The following SHANK2 variants were observed in gnomAD, a reference collection of about 807,000 sequenced individuals.
SHANK2 encodes the protein SH3 and multiple ankyrin repeat domains 2.
SHANK2 carries 43 observed loss-of-function variants against 133.7 expected under a neutral mutation model. The ratio of observed to expected loss-of-function variants is 0.32; its 90% confidence interval spans 0.25 to 0.41. The LOEUF (loss-of-function observed/expected upper bound fraction) is 0.41, where lower values mean the gene tolerates loss of function less well. Ranked by LOEUF, SHANK2 falls within the 10% of genes least tolerant of loss-of-function variation. The probability of loss-of-function intolerance (pLI) is 1.00; values close to 1 mark genes in which losing one functional copy is unlikely to be tolerated. For missense variants in SHANK2, 1,994 were observed against 2,235.8 expected (o/e 0.89, Z 2.18); for synonymous variants, 1,017 against 952.8 (o/e 1.07, Z -1.24).
At chr11:70,536,592 C>G (rs2059547378) in intron 17 of SHANK2, among the ~76,000 whole-genome samples, 1 of 152,214 alleles carries the variant, frequency 6.6e-6, no homozygotes, top group Admixed American at 6.5e-5. Context: ...GATTCCCACA[C>G]TCAGTGTCTC....
intron 17 of SHANK2, among the ~76,000 whole-genome samples, chr11:70,541,432 C>T (rs1198183694): frequency 6.6e-6 from 1 of 152,234 alleles, no homozygotes; most frequent in Non-Finnish European, 1.5e-5. Context: ...TCCTGGCGTG[C>T]CCTCCTGGCC....
chr11:70,923,757 T>C (rs1184027108), intron 10 of SHANK2, among the ~76,000 whole-genome samples: 1 of 152,096 alleles, frequency 6.6e-6, no homozygotes, highest in Non-Finnish European at 1.5e-5. Context: ...CTCACTATGT[T>C]GCCCTGGCTG....
rs904439902 is a variant in SHANK2 at position 70,892,117 on chromosome 11, C to A, written c.1174+4384G>T. Among the ~76,000 whole-genome samples the A allele has an allele frequency of 3.3e-5, 5 of 152,312 alleles. No individual in the cohort carries two copies. The South Asian group carries it at 6.2e-4, about 19-fold the overall frequency. On this transcript the variant is annotated intron_variant, in intron 11 of 25. Transcript: ENST00000601538. The stretch of plus-strand genomic sequence containing the variant: ...TTCCCTCGGGGGCTGCCAGGCAGCA[C>A]CGTCACACCGTCATGAGGCTGGCAC...
intron 9 of SHANK2, among the ~76,000 whole-genome samples, chr11:71,058,581 G>C (rs936062688): frequency 6.6e-6 from 1 of 152,200 alleles, no homozygotes; most frequent in Non-Finnish European, 1.5e-5. Context: ...CTTGTGCCTC[G>C]GCAGCAGGGG....
intron 14 of SHANK2, among the ~76,000 whole-genome samples, chr11:70,710,069 G>A (rs960720136): frequency 1.3e-5 from 2 of 152,068 alleles, no homozygotes; most frequent in East Asian, 3.9e-4. Context: ...TTTTCTAGGC[G>A]CTCTCCCAGA....
chr11:70,829,746 C>T (rs1282229892), intron 11 of SHANK2, among the ~76,000 whole-genome samples: 2 of 152,212 alleles, frequency 1.3e-5, no homozygotes, highest in African/African-American at 2.4e-5. Flanking sequence ...CGCCCACACT[C>T]GGAGGAGGCT....
chr11:70,838,018 A>T (rs1948849233), intron 11 of SHANK2, among the ~76,000 whole-genome samples: 1 of 149,696 alleles, frequency 6.7e-6, no homozygotes, highest in Non-Finnish European at 1.5e-5. Flanking sequence ...AAAAAGATGC[A>T]TGCTGAGTAA....
chr11:70,834,249 T>C, intron 11 of SHANK2, among the ~76,000 whole-genome samples: 1 of 150,280 alleles, frequency 6.7e-6, no homozygotes, highest in Admixed American at 6.6e-5. Context: ...CTAACTCTGG[T>C]CCCACCCCAT....
intron 11 of SHANK2, among the ~76,000 whole-genome samples, chr11:70,849,353 C>A (rs7945137): frequency 0.036 from 5,471 of 152,240 alleles, 278 homozygotes; most frequent in African/African-American, 0.12. Context: ...AAAAAGACAC[C>A]AATCCACAAT....
At chr11:70,795,395 T>C (rs1555048915) in intron 14 of SHANK2, among the ~76,000 whole-genome samples, 1 of 135,708 alleles carries the variant, frequency 7.4e-6, no homozygotes, top group African/African-American at 2.6e-5. Flanking sequence ...CTTTTTTCTT[T>C]TCTTTCTTTT....
At chr11:71,128,111 C>T (rs570583056) in intron 3 of SHANK2, among the ~76,000 whole-genome samples, 4 of 152,352 alleles carry the variant, frequency 2.6e-5, no homozygotes, top group Non-Finnish European at 4.4e-5. Flanking sequence ...GGCCCTCAGG[C>T]CAGCTGACTG....
intron 11 of SHANK2, among the ~76,000 whole-genome samples, chr11:70,838,114 A>G (rs1272837921): frequency 2.0e-5 from 3 of 152,086 alleles, no homozygotes; most frequent in African/African-American, 7.2e-5. Context: ...CACCGTGTGA[A>G]ATGTCTTCCC....
chr11:70,557,503 T>G (rs2136111752), intron 17 of SHANK2, among the ~76,000 whole-genome samples: 1 of 152,294 alleles, frequency 6.6e-6, no homozygotes, highest in Non-Finnish European at 1.5e-5. Context: ...GTCCTGGCTC[T>G]GAGGCTGGAT....
chr11:70,684,202 C>A (rs1945094289), intron 15 of SHANK2, among the ~76,000 whole-genome samples: 1 of 152,160 alleles, frequency 6.6e-6, no homozygotes, highest in Non-Finnish European at 1.5e-5. Context: ...CTGTCCCCGT[C>A]CCCCTACCCA....
intron 10 of SHANK2, among the ~76,000 whole-genome samples, chr11:70,901,732 T>G (rs1555076808): frequency 6.6e-6 from 1 of 152,142 alleles, no homozygotes; most frequent in African/African-American, 2.4e-5. Flanking sequence ...CGCCTCCCTC[T>G]GCAAGCCATC....
intron 11 of SHANK2, among the ~76,000 whole-genome samples, chr11:70,862,314 C>G (rs782600614): frequency 4.6e-5 from 7 of 152,212 alleles, no homozygotes; most frequent in Non-Finnish European, 7.3e-5. Context: ...AAAGATCCCT[C>G]TTCGAGCTCC....
chr11:71,115,607 C>T (rs1220579571), intron 4 of SHANK2, among the ~76,000 whole-genome samples: 1 of 152,210 alleles, frequency 6.6e-6, no homozygotes. Context: ...AACACTTCCT[C>T]TGGGCCTCAC....
rs1554980045 is a variant in SHANK2 at position 70,558,223 on chromosome 11, G to T, written c.2062-55292C>A. On this transcript the variant is annotated intron_variant, in intron 17 of 25. Coordinates refer to ENST00000601538, the MANE Select transcript of SHANK2 (RefSeq NM_012309.5). ...CCCCCGACTGGAGGCTCATTCACCT[G>T]CCCACTGGGGCTTCGGTAGGAGCGT... Among the ~76,000 whole-genome samples, 15 of 152,246 alleles carry T rather than the reference G, an allele frequency of 9.9e-5. 1 individual carries two copies. The highest frequency in any genetic ancestry group is 1.5e-5 in the Non-Finnish European group (1 of 68,038).
At chr11:71,070,499 G>T (rs903372322) in intron 9 of SHANK2, among the ~76,000 whole-genome samples, 1 of 152,098 alleles carries the variant, frequency 6.6e-6, no homozygotes, top group African/African-American at 2.4e-5. Context: ...ACAGCTGTCC[G>T]CCCTGGAATG....
Sources: allele counts gnomAD v4.1 joint callset (sites outside exome capture counted in the v4.1 genomes callset), GRCh38; gene constraint gnomAD v4.1.1; transcripts MANE v1.5; gene names NCBI Gene and HGNC (gene_info 2026-07-23, HGNC 2026-07-21).